The following DCAF5 variants were observed in gnomAD, a reference collection of about 807,000 sequenced individuals.
DCAF5 encodes DDB1 and CUL4 associated factor 5.
Under a neutral mutation model 80.7 loss-of-function variants are expected in DCAF5, and 9 were observed. The observed-to-expected ratio is 0.11, with a 90% CI of 0.07 to 0.19. The LOEUF (loss-of-function observed/expected upper bound fraction) is 0.19, where lower values mean the gene tolerates loss of function less well. DCAF5 is among the 10% of genes least tolerant of loss of function. The pLI, the probability that DCAF5 is intolerant of heterozygous loss-of-function variation, is 1.00. For missense variants in DCAF5, 842 were observed against 1,205.7 expected, an observed-to-expected ratio of 0.70 and a Z score of 4.47; for synonymous variants, 433 against 461.9, an observed-to-expected ratio of 0.94 and a Z score of 0.80.
At position 69,152,714 on chromosome 14, in the gene DCAF5, G is replaced by A. The variant is rs1038797385; in HGVS notation, c.214+51C>T. Reference sequence around the variant, plus strand: ...GGGTGACGGGGGAGAGCGAGAGGGGGAGGCTGGGAGGGTGCGGGGAGGCGC... The same window carrying A: ...GGGTGACGGGGGAGAGCGAGAGGGGAAGGCTGGGAGGGTGCGGGGAGGCGC... On this transcript the variant is annotated intron_variant, in intron 1 of 8. Coordinates refer to ENST00000341516, the MANE Select transcript of DCAF5 (RefSeq NM_003861.3). The surrounding 1 kb of genome is among the most constrained non-coding windows in gnomAD (Gnocchi z 4.1). 1.4e-6 allele frequency: 2 copies of A among 1,418,538 alleles called. No homozygotes were observed. The highest frequency in any genetic ancestry group is 3.8e-5 in the Admixed American group (2 of 52,614). The allele number at this position is 1,418,538 out of a possible 1,614,324, so 87.9% of individuals were successfully genotyped here.
At chr14:69,131,759 CTTTTT>C (rs11458918) in intron 1 of DCAF5, among the ~76,000 whole-genome samples, 1 of 133,872 alleles carries the variant, frequency 7.5e-6, no homozygotes, top group East Asian at 2.3e-4. Context: ...ACTTTCCAGG[CTTTTT>C]TTTTTTTTTT....
At chr14:69,140,274 AAGAG>A (rs577036729) in intron 1 of DCAF5, among the ~76,000 whole-genome samples, 63 of 151,692 alleles carry the variant, frequency 4.2e-4, no homozygotes, top group African/African-American at 1.4e-3. Context: ...CTAAAAAAAA[AAGAG>A]AGAGAGAGAG....
At chr14:69,077,150 T>C (rs1162869568) in intron 6 of DCAF5, among the ~76,000 whole-genome samples, 1 of 152,244 alleles carries the variant, frequency 6.6e-6, no homozygotes, top group Non-Finnish European at 1.5e-5. Context: ...TACTTCGTCC[T>C]GTCTTTTGCC....
intron 6 of DCAF5, chr14:69,083,523 T>A: frequency 2.8e-6 from 1 of 351,078 alleles, no homozygotes; most frequent in Non-Finnish European, 5.5e-6. Context: ...AAAATACAGA[T>A]GTGTCTGAAG....
In DCAF5 at chr14:69,147,435, A is replaced by G. The variant is rs945430333; in HGVS notation, c.214+5330T>C. ...AATTTTACAAATGTTATTTCATTCA[A>G]TCCTTACCACAACCCTGTAGGGTAT... On this transcript the variant is annotated intron_variant, in intron 1 of 8. Coordinates refer to ENST00000341516, the MANE Select transcript of DCAF5 (RefSeq NM_003861.3). Among the ~76,000 whole-genome samples the G allele has an allele frequency of 3.3e-5, 5 of 152,166 alleles. No homozygotes were observed. In the East Asian group the frequency reaches 7.7e-4, roughly 23 times the overall value.
rs1314813740 is a variant in DCAF5 at position 69,105,941 on chromosome 14, AT to A, written c.665+10424del. 2.9e-5 allele frequency among the ~76,000 whole-genome samples: 3 copies of A among 102,550 alleles called. 1 individual carries two copies. Among genetic ancestry groups the A allele is most frequent in the Non-Finnish European group, 6.8e-5 (3 of 44,006 alleles). The allele number at this position is 102,550 out of a possible 152,430, so 67.3% of individuals were successfully genotyped here. ...TATATATATATATATATATATATATATATATCTCCTATTGGTTCTGTTCCTC... is the reference window on the plus strand; with the variant it reads ...TATATATATATATATATATATATATAATATCTCCTATTGGTTCTGTTCCTC... On this transcript the variant is annotated intron_variant, in intron 5 of 8. Transcript: ENST00000341516.
intron 6 of DCAF5, among the ~76,000 whole-genome samples, chr14:69,086,645 T>C (rs1421571629): frequency 6.8e-6 from 1 of 146,902 alleles, no homozygotes; most frequent in African/African-American, 2.5e-5. Flanking sequence ...AAAAGCAAAG[T>C]TATAACTTTA....
intron 6 of DCAF5, among the ~76,000 whole-genome samples, chr14:69,082,542 C>A (rs949092041): frequency 6.6e-6 from 1 of 152,028 alleles, no homozygotes; most frequent in Non-Finnish European, 1.5e-5. Flanking sequence ...TGTAAATTAC[C>A]AACAGCTGGT....
chr14:69,076,183 G>C (rs8007254), intron 6 of DCAF5, among the ~76,000 whole-genome samples: 17,800 of 152,108 alleles, frequency 0.12, 1,207 homozygotes, highest in Middle Eastern at 0.21. Flanking sequence ...GTGCATTGCT[G>C]GTGGGAATGA....
At chr14:69,136,905 C>T (rs2041213387) in intron 1 of DCAF5, among the ~76,000 whole-genome samples, 1 of 152,094 alleles carries the variant, frequency 6.6e-6, no homozygotes, top group South Asian at 2.1e-4. Flanking sequence ...AAATATTAAT[C>T]TTAATATTAC....
chr14:69,062,690 GCATAT>G (rs1471757958), intron 7 of DCAF5, among the ~76,000 whole-genome samples, 179 bp from the exon 8 acceptor site: 1 of 152,232 alleles, frequency 6.6e-6, no homozygotes, highest in Non-Finnish European at 1.5e-5. Context: ...ACAGCTCTCA[GCATAT>G]GTGCTCTTAT....
rs532386051 is a variant in DCAF5, at chr14:69,086,251, C to T, written c.879+5423G>A. 1.6e-4 allele frequency among the ~76,000 whole-genome samples: 24 copies of T among 152,058 alleles called. No individual in the cohort carries two copies. In the South Asian group the frequency reaches 2.1e-3, roughly 13 times the overall value. On this transcript the variant is annotated intron_variant, in intron 6 of 8. Coordinates refer to ENST00000341516, the MANE Select transcript of DCAF5 (RefSeq NM_003861.3). ...CGCGTGCCTATAATTCCAGCTACTC[C>T]GGAGGCTGTGGCACGAGAATTGCTT...
chr14:69,118,256 C>A lies in DCAF5; in HGVS notation c.418G>T (p.Ala140Ser), dbSNP rs752783676. ...AAGCCATATACTGCATCTTCATGAG[C>A]AAACACGTCCAATGTCTCACTGCTG... The part of the protein sequence containing the change: ...VESSETLDVF[A>S]HEDAVYGLSV... Residue 140 changes from alanine to serine, a missense_variant, in exon 4 of 9, where the codon GCT becomes TCT. Physicochemically the swap from Ala to Ser is moderately conservative, Grantham distance 99. Around this residue, in one of 5 missense-constraint regions of DCAF5, gnomAD observed 142 missense variants for 311.9 expected, o/e 0.46. Transcript: ENST00000341516. This position sits in a 1 kb window ranked among gnomAD's most constrained non-coding sequence, Gnocchi z 4.0. The A allele has an allele frequency of 1.2e-6, 2 of 1,613,806 alleles. No individual in the cohort carries two copies. Among genetic ancestry groups the A allele is most frequent in the East Asian group, 4.5e-5 (2 of 44,862 alleles).
intron 5 of DCAF5, among the ~76,000 whole-genome samples, chr14:69,092,651 G>T (rs551759203): frequency 6.6e-6 from 1 of 152,048 alleles, no homozygotes; most frequent in African/African-American, 2.4e-5. Context: ...GTTTATAATC[G>T]ATAATTTGTC....
intron 6 of DCAF5, chr14:69,084,280 G>T: frequency 1.0e-6 from 1 of 966,680 alleles, no homozygotes. Context: ...TTGCTAATGG[G>T]ATCAACATCA....
chr14:69,085,230 T>TCC lies in DCAF5; in HGVS notation c.879+6442_879+6443dup. On this transcript the variant is annotated intron_variant, in intron 6 of 8. Coordinates refer to ENST00000341516, the MANE Select transcript of DCAF5 (RefSeq NM_003861.3). ...TTGCTGTCATTGGTTTCAAGGTGCC[T>TCC]CCCTTTGTTGATCTGAACGTCAACA... 3 of 711,790 alleles carry TCC rather than the reference T, an allele frequency of 4.2e-6. No homozygotes were observed. The Admixed American group carries it at 5.6e-5, about 13-fold the overall frequency. The allele number at this position is 711,790 out of a possible 1,614,324, so 44.1% of individuals were successfully genotyped here. A position where few individuals can be genotyped will look rare whatever the true frequency, so the allele number is the denominator to read the frequency against.
chr14:69,114,073 C>T (rs1057322998), intron 5 of DCAF5, among the ~76,000 whole-genome samples: 14 of 152,218 alleles, frequency 9.2e-5, no homozygotes, highest in African/African-American at 3.1e-4. Context: ...ATAATACTAG[C>T]AATAGTTCAA....
chr14:69,122,209 CT>C lies in DCAF5; in HGVS notation c.358+7del. On this transcript the variant is annotated splice_region_variant and intron_variant, in intron 2 of 8. Transcript: ENST00000341516. ...GTGACGTTCCCAAGGTAGAATCTCC[CT>C]TTTTACCTCCAGAGAACACTTTAGT... The C allele has an allele frequency of 6.2e-7, 1 of 1,610,890 alleles. No homozygotes were observed. Among genetic ancestry groups the C allele is most frequent in the Non-Finnish European group, 8.5e-7 (1 of 1,177,400 alleles).
rs1297619503 is a variant in DCAF5 at position 69,055,770 on chromosome 14, G to T, written c.1075-159C>A. Among the ~76,000 whole-genome samples, 2 of 152,160 alleles carry T rather than the reference G, an allele frequency of 1.3e-5. No individual in the cohort carries two copies. The highest frequency in any genetic ancestry group is 4.8e-5 in the African/African-American group (2 of 41,426). ...TAAAAATAAGTTCTTTACCAGACTG[G>T]ATCATGTGGGTTATGTATGAAAACT... On this transcript the variant is annotated intron_variant, in intron 8 of 8. Transcript: ENST00000341516. The surrounding 1 kb of genome is among the most constrained non-coding windows in gnomAD (Gnocchi z 5.6).
Sources: allele counts gnomAD v4.1 joint callset (sites outside exome capture counted in the v4.1 genomes callset), GRCh38; gene constraint gnomAD v4.1.1; regional missense constraint gnomAD v4.1.1; non-coding constraint Gnocchi (gnomAD v3.1); transcripts MANE v1.5; gene names NCBI Gene and HGNC (gene_info 2026-07-23, HGNC 2026-07-21).